FCGR3B: variants seen among roughly 807,000 people sequenced by gnomAD.
FCGR3B encodes low affinity immunoglobulin gamma Fc region receptor III-B.
In FCGR3B, 20 loss-of-function variants were observed where a neutral mutation model predicts 26.7. That is an observed-to-expected ratio of 0.75 (90% CI 0.53 to 1.09). The LOEUF (loss-of-function observed/expected upper bound fraction) is 1.09, where lower values mean the gene tolerates loss of function less well. Ranked by LOEUF, FCGR3B falls within the 50% of genes least tolerant of loss-of-function variation. The pLI, the probability that FCGR3B is intolerant of heterozygous loss-of-function variation, is 0.00. For synonymous variants in FCGR3B, 79 were observed against 107.0 expected, an observed-to-expected ratio of 0.74 and a Z score of 1.62; for missense variants, 191 against 279.7, an observed-to-expected ratio of 0.68 and a Z score of 2.26.
At chr1:161,630,919 T>C (rs1343286019) in intron 1 of FCGR3B, 136 bp downstream of exon 1, 3 of 1,455,070 alleles carry the variant, frequency 2.1e-6, no homozygotes, top group Non-Finnish European at 2.7e-6. Context: ...CTTGTCCTGG[T>C]AGCTCAATCC....
At chr1:161,631,215 C>G (rs181478764), upstream of FCGR3B, 67 of 1,584,340 alleles carry the variant, frequency 4.2e-5, 1 homozygote, top group Non-Finnish European at 5.4e-5. Context: ...CTGTCACCTG[C>G]CAGTTTCCTT....
In FCGR3B at chr1:161,624,314, A is replaced by T. The variant is rs1679350427; in HGVS notation, c.*201T>A. On this transcript the variant is annotated 3_prime_UTR_variant, in exon 5 of 5. Coordinates refer to ENST00000650385, the MANE Select transcript of FCGR3B (RefSeq NM_001244753.2). ...CACTGGAGACCAAGGAAAAATCGAG[A>T]GTTGGATAAAGGATCTGGCTCTGAG... is the stretch of plus-strand genomic sequence containing the variant. 4.7e-6 allele frequency: 3 copies of T among 636,868 alleles called. No homozygotes were observed. Among genetic ancestry groups the T allele is most frequent in the Non-Finnish European group, 7.8e-6 (3 of 385,966 alleles). 39.5% of individuals were successfully genotyped at this position (636,868 alleles called of 1,614,324 possible).
Position 161,626,378 on chromosome 1 carries a change from C to T in FCGR3B, c.344G>A (p.Arg115Gln), listed in dbSNP as rs200319084. The change falls in exon 4 of 5, where the codon CGG becomes CAG. Residue 115 changes from arginine (R) to glutamine (Q), a missense_variant. Arg to Gln is a conservative substitution (Grantham distance 43). This residue lies in a region of FCGR3B where 88 missense variants were observed against 165.2 expected (regional missense o/e 0.53). Transcript: ENST00000650385. ...AGGGTCTTCCTCCTTGAACACCCAC[C>T]GAGGGGCCTGGAGCAACAGCCAGCC... The part of the protein sequence containing the change: ...HIGWLLLQAP[R>Q]WVFKEEDPIH... 401 of 1,609,020 alleles carry T rather than the reference C, an allele frequency of 2.5e-4. 19 individuals are homozygous for T. Among genetic ancestry groups the T allele is most frequent in the Non-Finnish European group, 9.2e-5 (108 of 1,178,134 alleles).
rs267598136 is a variant in FCGR3B, at chr1:161,624,567, A to G, written c.650T>C (p.Leu217Pro). The G allele has an allele frequency of 6.8e-6, 11 of 1,606,824 alleles. No homozygotes were observed. The East Asian group carries it at 2.5e-4, about 36-fold the overall frequency. ...YQVSFCLVMVLLFAVDTGLYF... is the reference protein window; with the variant it reads ...YQVSFCLVMVPLFAVDTGLYF... ...TAGTCCTGTGTCCACTGCAAAAAGG[A>G]GTACCATCACCAAGCAGAAAGAGAC... Residue 217 changes from leucine to proline, a missense_variant, in exon 5 of 5, where the codon CTC becomes CCC. By Grantham distance (98) the Leu-to-Pro change is moderately conservative. Transcript: ENST00000650385.
intron 3 of FCGR3B, among the ~76,000 whole-genome samples, chr1:161,626,809 G>GA (rs1239020401): frequency 6.6e-6 from 1 of 150,390 alleles, no homozygotes; most frequent in Non-Finnish European, 1.5e-5. Flanking sequence ...TCTATTAGAG[G>GA]AAAAGGTAGA....
chr1:161,624,360 G>A lies in FCGR3B; in HGVS notation c.*155C>T, dbSNP rs1377619065. 3.5e-5 allele frequency: 30 copies of A among 867,286 alleles called. 2 individuals are homozygous for A. Among genetic ancestry groups the A allele is most frequent in the Non-Finnish European group, 5.0e-5 (28 of 561,706 alleles). The allele number at this position is 867,286 out of a possible 1,614,324, so 53.7% of individuals were successfully genotyped here. A position where few individuals can be genotyped will look rare whatever the true frequency, so the allele number is the denominator to read the frequency against. The stretch of plus-strand genomic sequence containing the variant: ...CTGAGTTCTATGTTTCCTGCTGCTT[G>A]TAGAGAGGCCTGAGGATGATGGGGT... On this transcript the variant is annotated 3_prime_UTR_variant, in exon 5 of 5. Coordinates refer to ENST00000650385, the MANE Select transcript of FCGR3B (RefSeq NM_001244753.2).
At chr1:161,631,276 C>T, upstream of FCGR3B, 1 of 1,428,630 alleles carries the variant, frequency 7.0e-7, no homozygotes, top group Non-Finnish European at 9.5e-7. Flanking sequence ...AATGGAGCCC[C>T]ACCATAGAAC....
chr1:161,628,458 C>T (rs1679583990), intron 3 of FCGR3B, among the ~76,000 whole-genome samples: 1 of 149,704 alleles, frequency 6.7e-6, no homozygotes, highest in African/African-American at 2.5e-5. Flanking sequence ...TTTCTAGAGC[C>T]AAGTTCAAGG....
chr1:161,628,262 A>G lies in FCGR3B; in HGVS notation c.319+1516T>C, dbSNP rs889616127. On this transcript the variant is annotated intron_variant, in intron 3 of 4. Coordinates refer to ENST00000650385, the MANE Select transcript of FCGR3B (RefSeq NM_001244753.2). ...CACTCCAGCTTGGGTGACAGAGAGAAACTCTGTCTCAAAAACAAAAACAAA... is the reference window on the plus strand; with the variant it reads ...CACTCCAGCTTGGGTGACAGAGAGAGACTCTGTCTCAAAAACAAAAACAAA... 6.0e-5 allele frequency among the ~76,000 whole-genome samples: 9 copies of G among 149,974 alleles called. 2 individuals carry two copies. Among genetic ancestry groups the G allele is most frequent in the South Asian group, 2.1e-4 (1 of 4,708 alleles).
In FCGR3B at chr1:161,626,315, A is replaced by T; in HGVS notation, c.407T>A (p.Leu136Gln). Residue 136 changes from leucine (L) to glutamine (Q), a missense_variant, in exon 4 of 5, where the codon CTG (leucine) becomes CAG (glutamine). This residue lies in a region of FCGR3B where 103 missense variants were observed against 114.5 expected (regional missense o/e 0.90). Transcript: ENST00000650385. ...ATTCTGTAAATATGTGACCTTATGC[A>T]GAGCAGTGTTCTTCCAGCTGTGACA... is the stretch of plus-strand genomic sequence containing the variant. Reference protein sequence around the residue: ...LRCHSWKNTALHKVTYLQNGK... With the variant: ...LRCHSWKNTAQHKVTYLQNGK... 1.2e-6 allele frequency: 2 copies of T among 1,609,144 alleles called. No homozygotes were observed. The highest frequency in any genetic ancestry group is 8.5e-7 in the Non-Finnish European group (1 of 1,177,862).
chr1:161,628,798 C>T (rs1347393452), intron 3 of FCGR3B, among the ~76,000 whole-genome samples: 1 of 145,546 alleles, frequency 6.9e-6, no homozygotes, highest in Non-Finnish European at 1.5e-5. Flanking sequence ...ACTGCAGGGA[C>T]CAGGCTATGT....
In FCGR3B at chr1:161,624,899, G is replaced by A. The variant is rs1359922520; in HGVS notation, c.578-260C>T. On this transcript the variant is annotated intron_variant, in intron 4 of 4. Coordinates refer to ENST00000650385, the MANE Select transcript of FCGR3B (RefSeq NM_001244753.2). ...GAGATGTGACAGGGAGCGTTAACAA[G>A]TTAGGTTGTAAGCTGGGTTTTGTGT... is the stretch of plus-strand genomic sequence containing the variant. Among the ~76,000 whole-genome samples, 2 of 144,566 alleles carry A rather than the reference G, an allele frequency of 1.4e-5. 1 individual carries two copies. The highest frequency in any genetic ancestry group is 4.0e-4 in the East Asian group (2 of 5,050). 94.8% of individuals were successfully genotyped at this position (144,566 alleles called of 152,430 possible).
chr1:161,624,614 T>G lies in FCGR3B; in HGVS notation c.603A>C (p.Ser201=), dbSNP rs766420385. The G allele has an allele frequency of 6.2e-7, 1 of 1,605,672 alleles. No individual in the cohort carries two copies. The highest frequency in any genetic ancestry group is 8.5e-7 in the Non-Finnish European group (1 of 1,176,488). The change falls in exon 5 of 5, where the codon TCA becomes TCC. Residue 201 remains serine (S), a synonymous_variant. Transcript: ENST00000650385. The part of the protein sequence containing the change: ...TQGLAVSTIS[S]FSPPGYQVSF... ...AGACTTGGTACCCAGGTGGAGAGAA[T>G]GATGAGATGGTTGACACTGCCAAAC...
chr1:161,625,183 T>A (rs1293210829), intron 4 of FCGR3B, among the ~76,000 whole-genome samples: 1 of 111,682 alleles, frequency 9.0e-6, no homozygotes, highest in Non-Finnish European at 1.9e-5. Flanking sequence ...CATGAAATTA[T>A]TTTTGTACAA....
chr1:161,629,965 A>G lies in FCGR3B; in HGVS notation c.132T>C (p.Thr44=), dbSNP rs187545680. Residue 44 remains threonine (T), a synonymous_variant, in exon 3 of 5, where the codon ACT becomes ACC. Transcript: ENST00000650385. ...WYSVLEKDSV[T]LKCQGAYSPE... is the part of the protein sequence containing the mutation. ...GGGAGTAGGCTCCCTGGCACTTCAG[A>G]GTCACACTGTCCTTCTCAAGCACGC... is the stretch of plus-strand genomic sequence containing the variant. 4 of 1,407,930 alleles carry G rather than the reference A, an allele frequency of 2.8e-6. No individual in the cohort carries two copies. In the African/African-American group the frequency reaches 7.2e-5, roughly 25 times the overall value. 87.2% of individuals were successfully genotyped at this position (1,407,930 alleles called of 1,614,324 possible). A position where few individuals can be genotyped will look rare whatever the true frequency, so the allele number is the denominator to read the frequency against.
At chr1:161,626,946 G>A (rs1679494428) in intron 3 of FCGR3B, among the ~76,000 whole-genome samples, 1 of 150,120 alleles carries the variant, frequency 6.7e-6, no homozygotes, top group Non-Finnish European at 1.5e-5. Flanking sequence ...AAACATCAGG[G>A]TGGCGAAGGG....
At chr1:161,627,516 G>T (rs1418194399) in intron 3 of FCGR3B, among the ~76,000 whole-genome samples, 2 of 150,450 alleles carry the variant, frequency 1.3e-5, no homozygotes, top group Non-Finnish European at 2.9e-5. Flanking sequence ...ACGTGTGTTG[G>T]TCATGATTCT....
rs781562274 is a variant in FCGR3B at position 161,626,895 on chromosome 1, A to G, written c.320-493T>C. On this transcript the variant is annotated intron_variant, in intron 3 of 4. Transcript: ENST00000650385. ...TCAGGAATAAGCTGACGGTCGCCAC[A>G]GAGTGGCTGCAGAAATTGTGAAGGA... Among the ~76,000 whole-genome samples, 131 of 150,416 alleles carry G rather than the reference A, an allele frequency of 8.7e-4. 1 individual carries two copies. The highest frequency in any genetic ancestry group is 1.6e-3 in the Non-Finnish European group (107 of 67,674).
At chr1:161,626,444 T>A in intron 3 of FCGR3B, 42 bp from the exon 4 acceptor site, 1 of 1,599,220 alleles carries the variant, frequency 6.3e-7, no homozygotes, top group Non-Finnish European at 8.5e-7. Flanking sequence ...AGGCCTCAGC[T>A]CTCAGTGCAG....
Sources: allele counts gnomAD v4.1 joint callset (sites outside exome capture counted in the v4.1 genomes callset), GRCh38; gene constraint gnomAD v4.1.1; regional missense constraint gnomAD v4.1.1; transcripts MANE v1.5; gene names NCBI Gene and HGNC (gene_info 2026-07-23, HGNC 2026-07-21).